Variants in CD99 observed in about 807,000 individuals in gnomAD.
CD99 encodes CD99 antigen.
Under a neutral mutation model 28.4 loss-of-function variants are expected in CD99, and 19 were observed. That is an observed-to-expected ratio of 0.67 (90% confidence interval 0.47 to 0.98). The LOEUF is 0.98. Ranked by LOEUF, CD99 falls within the 50% of genes least tolerant of loss-of-function variation. CD99 has a pLI of 0.00. For synonymous variants in CD99, 103 were observed against 92.1 expected (o/e 1.12, Z -0.67); for missense variants, 283 against 248.8 (o/e 1.14, Z -0.92).
chrX:2,740,738 GGGACCT>G (rs1449483349), intron 9 of CD99, 35 bp from the exon 10 acceptor site: 2 of 1,610,178 alleles, frequency 1.2e-6, no homozygotes, highest in Non-Finnish European at 1.7e-6. Flanking sequence ...TGAGTGCTCA[GGGACCT>G]GGGAATGACT....
chrX:2,725,366 C>G (rs2049219747), intron 7 of CD99, among the ~76,000 whole-genome samples: 1 of 152,056 alleles, frequency 6.6e-6, no homozygotes, highest in Admixed American at 6.6e-5. Context: ...TCATTGCACT[C>G]CAGCCTGTTT....
At chrX:2,729,277 G>C (rs2049466543) in intron 8 of CD99, among the ~76,000 whole-genome samples, 1 of 152,194 alleles carries the variant, frequency 6.6e-6, no homozygotes, top group South Asian at 2.1e-4. Context: ...TGTGCGTGCA[G>C]ACGTAGGAAC....
intron 1 of CD99, among the ~76,000 whole-genome samples, chrX:2,706,938 A>G (rs1410749214): frequency 2.0e-5 from 3 of 151,872 alleles, no homozygotes; most frequent in African/African-American, 7.3e-5. Context: ...CTCCTGCCTC[A>G]GCCTCCCAAG....
intron 1 of CD99, among the ~76,000 whole-genome samples, chrX:2,713,054 A>C (rs1417828113): frequency 6.6e-6 from 1 of 151,676 alleles, no homozygotes; most frequent in Non-Finnish European, 1.5e-5. Context: ...GCACAAACAC[A>C]CCTACACACA....
chrX:2,738,126 T>C (rs767997130), intron 8 of CD99, 74 bp from the exon 9 acceptor site: 14 of 1,348,294 alleles, frequency 1.0e-5, no homozygotes, highest in Non-Finnish European at 1.4e-5. Flanking sequence ...AAAGCCCAAG[T>C]GTTTTGTGTG....
At chrX:2,728,659 G>C (rs1292166483) in intron 8 of CD99, among the ~76,000 whole-genome samples, 4 of 152,142 alleles carry the variant, frequency 2.6e-5, no homozygotes, top group Non-Finnish European at 4.4e-5. Context: ...TAGCGGAGGG[G>C]TTAAAACAGT....
At chrX:2,697,876 A>G (rs918046812) in intron 1 of CD99, among the ~76,000 whole-genome samples, 2 of 152,004 alleles carry the variant, frequency 1.3e-5, no homozygotes, top group African/African-American at 4.8e-5. Flanking sequence ...TTAGGCATTT[A>G]GTGCAGACTC....
intron 2 of CD99, among the ~76,000 whole-genome samples, chrX:2,717,085 G>A (rs1177497699): frequency 2.0e-5 from 3 of 152,038 alleles, no homozygotes; most frequent in Admixed American, 2.0e-4. Flanking sequence ...GGTGGCTCAA[G>A]CCTGTCATCC....
chrX:2,722,870 G>A (rs1417288635), intron 6 of CD99, among the ~76,000 whole-genome samples, 196 bp downstream of exon 6: 3 of 152,098 alleles, frequency 2.0e-5, no homozygotes, highest in South Asian at 2.1e-4. Flanking sequence ...GTAGAGGTTC[G>A]GTCCTCGGAG....
chrX:2,731,575 C>T (rs184759036), intron 8 of CD99, among the ~76,000 whole-genome samples: 30 of 152,116 alleles, frequency 2.0e-4, no homozygotes, highest in Admixed American at 1.2e-3. Flanking sequence ...GGGACAAGAG[C>T]GAGACTTTGT....
intron 2 of CD99, chrX:2,715,687 C>T (rs1273742115): frequency 1.3e-5 from 2 of 151,144 alleles, no homozygotes; most frequent in African/African-American, 4.9e-5. Context: ...GCTCAATCCA[C>T]TGCAGTTATA....
At chrX:2,717,817 A>G in intron 3 of CD99, 165 bp downstream of exon 3, 1 of 639,990 alleles carries the variant, frequency 1.6e-6, no homozygotes, top group Admixed American at 2.8e-5. Context: ...GTTACATTTC[A>G]TGTAGTGATT....
At position 2,717,442 on chromosome X, in the gene CD99, G is replaced by A. The variant is rs2048782154; in HGVS notation, c.101-163G>A. 1.1e-5 allele frequency: 7 copies of A among 630,412 alleles called. No individual in the cohort carries two copies. In the Admixed American group the frequency reaches 1.9e-4, roughly 17 times the overall value. The allele number at this position is 630,412 out of a possible 1,614,324, so 39.1% of individuals were successfully genotyped here. On this transcript the variant is annotated intron_variant, in intron 2 of 9. Transcript: ENST00000381192. ...CTGTGTCTGTCTTCTGGGCTCAAGA[G>A]TCGTTGTATAAACCTCAGCTCGGTG...
intron 1 of CD99, among the ~76,000 whole-genome samples, chrX:2,700,367 A>C (rs2047787607): frequency 1.3e-5 from 2 of 152,044 alleles, no homozygotes; most frequent in South Asian, 4.2e-4. Flanking sequence ...TTATCCATCC[A>C]TTTATGCATC....
chrX:2,732,237 C>G (rs1462022664), intron 8 of CD99, among the ~76,000 whole-genome samples: 1 of 152,050 alleles, frequency 6.6e-6, no homozygotes, highest in Non-Finnish European at 1.5e-5. Flanking sequence ...GGTGTGTTGG[C>G]TTCGCGGGGG....
At chrX:2,719,581 G>T (rs1432581554) in intron 3 of CD99, 80 bp from the exon 4 acceptor site, 3 of 1,166,094 alleles carry the variant, frequency 2.6e-6, no homozygotes, top group Non-Finnish European at 3.9e-6. Context: ...GCCGTGGTGT[G>T]TTTTTGATCT....
At chrX:2,708,779 C>T (rs971520300) in intron 1 of CD99, among the ~76,000 whole-genome samples, 85 of 152,172 alleles carry the variant, frequency 5.6e-4, no homozygotes, top group African/African-American at 2.0e-3. Context: ...GCTTGGGGTC[C>T]GGGGAGCAGT....
At chrX:2,723,746 G>T (rs2049124264) in intron 7 of CD99, among the ~76,000 whole-genome samples, 1 of 152,172 alleles carries the variant, frequency 6.6e-6, no homozygotes, top group Non-Finnish European at 1.5e-5. Flanking sequence ...CAGTAACCAG[G>T]TGGGAGGTGG....
At chrX:2,691,475 C>A (rs1428497397) in intron 1 of CD99, 48 bp downstream of exon 1, 2 of 1,543,340 alleles carry the variant, frequency 1.3e-6, no homozygotes, top group African/African-American at 1.4e-5. Context: ...GGGCGCGGGC[C>A]GGGACTGGGG....
Sources: allele counts gnomAD v4.1 joint callset (sites outside exome capture counted in the v4.1 genomes callset), GRCh38; gene constraint gnomAD v4.1.1; transcripts MANE v1.5; gene names NCBI Gene and HGNC (gene_info 2026-07-23, HGNC 2026-07-21).